GFI1B: variants seen among roughly 807,000 people sequenced by gnomAD.
The protein encoded by GFI1B is zinc finger protein Gfi-1b.
A neutral mutation model predicts 35.3 loss-of-function variants in GFI1B; 20 were observed. That is an observed-to-expected ratio of 0.57 (90% CI 0.40 to 0.82). The LOEUF is 0.82. GFI1B is among the 40% of genes least tolerant of loss of function. The pLI is 0.00. For synonymous variants in GFI1B, 178 were observed against 177.6 expected, an observed-to-expected ratio of 1.00 and a Z score of -0.02; for missense variants, 430 against 446.3, an observed-to-expected ratio of 0.96 and a Z score of 0.33.
chr9:132,972,347 G>C (rs1246243044), intron 1 of GFI1B, among the ~76,000 whole-genome samples: 1 of 152,152 alleles, frequency 6.6e-6, no homozygotes, highest in Non-Finnish European at 1.5e-5. Context: ...ACTTGAACCT[G>C]GGAGGTGGAT....
At chr9:132,977,439 C>T (rs1461180574), upstream of GFI1B, among the ~76,000 whole-genome samples, 1 of 152,118 alleles carries the variant, frequency 6.6e-6, no homozygotes, top group African/African-American at 2.4e-5. Context: ...AAAGACCTCG[C>T]CTGAAACACC....
At chr9:132,981,827 A>G (rs944080840) in intron 1 of GFI1B, among the ~76,000 whole-genome samples, 1 of 151,468 alleles carries the variant, frequency 6.6e-6, no homozygotes, top group African/African-American at 2.4e-5. Context: ...ATCTGGGCTC[A>G]CCGCAACCTC....
upstream of GFI1B, among the ~76,000 whole-genome samples, chr9:132,975,985 C>T (rs532587136): frequency 4.6e-5 from 7 of 152,254 alleles, no homozygotes; most frequent in African/African-American, 1.7e-4. Flanking sequence ...CACTGCTCTC[C>T]CATCAAGGGG....
chr9:132,980,409 C>T lies in GFI1B; in HGVS notation c.-21+1568C>T, dbSNP rs541260029. Among the ~76,000 whole-genome samples the T allele has an allele frequency of 5.4e-3, 823 of 152,318 alleles. 10 individuals carry two copies. The highest frequency in any genetic ancestry group is 0.044 in the Middle Eastern group (13 of 294). ...CCTCTTAGTCTAGAGGGAGGCTTTT[C>T]GTGTGTTCCTTGCCAGGAATTCAAG... On this transcript the variant is annotated intron_variant, in intron 1 of 6. Transcript: ENST00000372122.
chr9:132,957,535 AAGAG>A (rs1367349516), intron 1 of GFI1B, among the ~76,000 whole-genome samples: 4 of 152,242 alleles, frequency 2.6e-5, no homozygotes, highest in African/African-American at 4.8e-5. Context: ...AGTAGTGAAC[AAGAG>A]AGAGTCCCCA....
At chr9:132,990,152 G>T (rs990151164) in intron 6 of GFI1B, among the ~76,000 whole-genome samples, 2 of 152,220 alleles carry the variant, frequency 1.3e-5, no homozygotes, top group African/African-American at 4.8e-5. Flanking sequence ...ACTAGCAGGC[G>T]AACTGCTCAT....
intron 1 of GFI1B, among the ~76,000 whole-genome samples, chr9:132,981,741 T>G (rs1416013521): frequency 1.3e-5 from 2 of 151,800 alleles, no homozygotes; most frequent in African/African-American, 4.9e-5. Flanking sequence ...CACGGACAAG[T>G]CTTGTTTTCC....
intron 1 of GFI1B, among the ~76,000 whole-genome samples, chr9:132,961,971 A>T (rs529569655): frequency 4.0e-5 from 6 of 151,754 alleles, no homozygotes; most frequent in Admixed American, 3.9e-4. Context: ...GGAGGACAGG[A>T]CTGCACACCC....
At chr9:132,984,908 T>C (rs1480144484) in intron 1 of GFI1B, among the ~76,000 whole-genome samples, 2 of 152,256 alleles carry the variant, frequency 1.3e-5, no homozygotes, top group South Asian at 2.1e-4. Context: ...TCCCTGGCCC[T>C]TTTCCAAGCT....
rs370986920 is a variant in GFI1B at position 132,989,510 on chromosome 9, A to G, written c.649-232A>G. 22 of 602,156 alleles carry G rather than the reference A, an allele frequency of 3.7e-5. No individual in the cohort carries two copies. The highest frequency in any genetic ancestry group is 3.1e-4 in the African/African-American group (17 of 54,006). The allele number at this position is 602,156 out of a possible 1,614,324, so 37.3% of individuals were successfully genotyped here. A position where few individuals can be genotyped will look rare whatever the true frequency, so the allele number is the denominator to read the frequency against. ...AGTCAGTCCATCAGTCAATCAACGAACATTTATTGAGGTTTATTTTGAGCG... is the reference window on the plus strand; with the variant it reads ...AGTCAGTCCATCAGTCAATCAACGAGCATTTATTGAGGTTTATTTTGAGCG... On this transcript the variant is annotated intron_variant, in intron 5 of 6. Transcript: ENST00000372122. The surrounding 1 kb of genome is among the most constrained non-coding windows in gnomAD (Gnocchi z 6.2).
chr9:132,946,566 C>G (rs1464917649), intron 1 of GFI1B: 1 of 152,242 alleles, frequency 6.6e-6, no homozygotes, highest in African/African-American at 2.4e-5. Context: ...TGGGTTCTCT[C>G]AGTTCCACCA....
chr9:132,960,911 A>G (rs1347225686), intron 1 of GFI1B, among the ~76,000 whole-genome samples: 1 of 152,026 alleles, frequency 6.6e-6, no homozygotes. Flanking sequence ...GTGCCGGGCC[A>G]CACTCCGCAG....
In GFI1B at chr9:132,988,180, T is replaced by C. The variant is rs1849146610; in HGVS notation, c.239-17T>C. The C allele has an allele frequency of 1.2e-6, 2 of 1,612,766 alleles. No homozygotes were observed. The highest frequency in any genetic ancestry group is 1.3e-5 in the African/African-American group (1 of 74,886). Reference sequence around the variant, plus strand: ...GTGTTTAAATGAGTAACCAGGCCTGTGTCGTTATCTCCACAGAGGGCCCCA... The same window carrying C: ...GTGTTTAAATGAGTAACCAGGCCTGCGTCGTTATCTCCACAGAGGGCCCCA... On this transcript the variant is annotated splice_polypyrimidine_tract_variant and intron_variant, in intron 3 of 6. Transcript: ENST00000372122.
At chr9:132,945,641 G>C (rs972955333) in exon 1 of GFI1B, 3 of 154,242 alleles carry the variant, frequency 1.9e-5, no homozygotes, top group Non-Finnish European at 4.4e-5. Context: ...TGTGGGATAT[G>C]AAAGGCATTT....
At chr9:132,988,626 G>A (rs1445022044) in intron 4 of GFI1B, among the ~76,000 whole-genome samples, 158 bp downstream of exon 4, 1 of 152,206 alleles carries the variant, frequency 6.6e-6, no homozygotes, top group Non-Finnish European at 1.5e-5. Context: ...ATTGAGCTCT[G>A]ACCACGTGCC....
In GFI1B at chr9:132,988,544, C is replaced by A. The variant is rs564029846; in HGVS notation, c.510+76C>A. 1.1e-4 allele frequency: 144 copies of A among 1,344,280 alleles called. 5 individuals are homozygous for A. In the South Asian group the frequency reaches 1.6e-3, roughly 15 times the overall value. The allele number at this position is 1,344,280 out of a possible 1,614,324, so 83.3% of individuals were successfully genotyped here. On this transcript the variant is annotated intron_variant, in intron 4 of 6. Coordinates refer to ENST00000372122, the MANE Select transcript of GFI1B (RefSeq NM_001377304.1). ...CTCTCAACTCACTGGCAGCTCTGGG[C>A]GTTCTCTGTGCTGTGAATGTTGGGG... is the stretch of plus-strand genomic sequence containing the variant.
At chr9:132,950,171 C>T (rs73660567) in intron 1 of GFI1B, among the ~76,000 whole-genome samples, 4,057 of 152,200 alleles carry the variant, frequency 0.027, 187 homozygotes, top group African/African-American at 0.092. Flanking sequence ...AGAAGATGTT[C>T]GCTTCTGTTC....
rs767503432 is a variant in GFI1B, at chr9:132,989,066, C to T, written c.516C>T (p.Phe172=). The T allele has an allele frequency of 8.7e-6, 14 of 1,613,894 alleles. No homozygotes were observed. In the East Asian group the frequency reaches 3.1e-4, roughly 36 times the overall value. ...CATGCTGCCCCTGCTCCCAGGTCTT[C>T]TCCACCCCTCACGGGCTCGAAGTGC... ...AYHCVKCNKV[F]STPHGLEVHV... The change falls in exon 5 of 7, where the codon TTC becomes TTT. Residue 172 remains phenylalanine, a synonymous_variant. Transcript: ENST00000372122. The surrounding 1 kb of genome is among the most constrained non-coding windows in gnomAD (Gnocchi z 6.2).
intron 1 of GFI1B, among the ~76,000 whole-genome samples, chr9:132,981,122 C>T (rs1180038866): frequency 6.6e-6 from 1 of 152,182 alleles, no homozygotes; most frequent in African/African-American, 2.4e-5. Context: ...TCTTGGAACT[C>T]CTGACCTCAG....
Sources: gnomAD v4.1 joint callset for allele counts (sites outside exome capture counted in the v4.1 genomes callset) on GRCh38, gnomAD v4.1.1 for gene constraint, Gnocchi (gnomAD v3.1) non-coding constraint, MANE v1.5 for transcripts, NCBI Gene and HGNC (gene_info 2026-07-23, HGNC 2026-07-21) for gene names.